The following POU2F3 variants were observed in gnomAD, a reference collection of about 807,000 sequenced individuals.
POU2F3 encodes POU domain, class 2, transcription factor 3.
Under a neutral mutation model 59.2 loss-of-function variants are expected in POU2F3, and 23 were observed. The ratio of observed to expected loss-of-function variants is 0.39; its 90% confidence interval spans 0.28 to 0.55. The LOEUF is 0.55. POU2F3 is among the 20% of genes least tolerant of loss of function. POU2F3 has a pLI of 0.66. For missense variants in POU2F3, 473 were observed against 544.5 expected, an observed-to-expected ratio of 0.87 and a Z score of 1.31; for synonymous variants, 190 against 214.6, an observed-to-expected ratio of 0.89 and a Z score of 1.00.
intron 9 of POU2F3, among the ~76,000 whole-genome samples, chr11:120,308,767 A>G (rs111349169): frequency 0.027 from 4,094 of 151,732 alleles, 182 homozygotes; most frequent in African/African-American, 0.092. Context: ...GTGAAACCCC[A>G]TCTCTACTTA....
intron 2 of POU2F3, among the ~76,000 whole-genome samples, chr11:120,250,838 G>A (rs1217876132): frequency 2.0e-5 from 3 of 152,252 alleles, no homozygotes; most frequent in East Asian, 3.9e-4. Flanking sequence ...TTAGCCGGGC[G>A]TGGTAGTGGG....
chr11:120,254,130 C>T (rs1939234211), intron 2 of POU2F3: 1 of 152,212 alleles, frequency 6.6e-6, no homozygotes, highest in South Asian at 2.1e-4. Context: ...CACCTTCCTC[C>T]CTCAGAAACG....
At chr11:120,263,504 C>T (rs577129399) in intron 2 of POU2F3, among the ~76,000 whole-genome samples, 1 of 152,384 alleles carries the variant, frequency 6.6e-6, no homozygotes, top group South Asian at 2.1e-4. Context: ...CTTCGAATCA[C>T]TTCCAGATTT....
intron 10 of POU2F3, 76 bp downstream of exon 10, chr11:120,309,662 G>A: frequency 1.3e-6 from 2 of 1,503,728 alleles, no homozygotes; most frequent in Non-Finnish European, 1.8e-6. Flanking sequence ...GGTGGCTGCA[G>A]GGAAGAGGGG....
At chr11:120,302,751 G>T in intron 6 of POU2F3, 1 of 201,272 alleles carries the variant, frequency 5.0e-6, no homozygotes, top group Non-Finnish European at 1.0e-5. Context: ...AGGGAGACTA[G>T]AATACTACAG....
intron 3 of POU2F3, among the ~76,000 whole-genome samples, chr11:120,281,503 C>T (rs746895313): frequency 2.0e-5 from 3 of 151,798 alleles, no homozygotes; most frequent in Non-Finnish European, 2.9e-5. Context: ...TCATGGCCCC[C>T]ATACCCTCCT....
chr11:120,236,954 C>A (rs548042612), upstream of POU2F3, among the ~76,000 whole-genome samples: 1 of 152,156 alleles, frequency 6.6e-6, no homozygotes, highest in Non-Finnish European at 1.5e-5. Flanking sequence ...CCTTGTGGGC[C>A]TCAGGTCCCT....
chr11:120,294,045 G>T (rs1364764224), intron 3 of POU2F3, among the ~76,000 whole-genome samples: 1 of 152,144 alleles, frequency 6.6e-6, no homozygotes, highest in Non-Finnish European at 1.5e-5. Context: ...GGCTATGAGG[G>T]TAAAGCCAAG....
chr11:120,302,460 C>T (rs929281776), intron 6 of POU2F3, 92 bp downstream of exon 6: 4 of 1,229,510 alleles, frequency 3.3e-6, no homozygotes, highest in Non-Finnish European at 4.7e-6. Flanking sequence ...TTTAACAGGG[C>T]ACTAACCCCT....
chr11:120,297,817 C>T (rs886226603), intron 3 of POU2F3, among the ~76,000 whole-genome samples: 4 of 152,072 alleles, frequency 2.6e-5, no homozygotes, highest in Non-Finnish European at 5.9e-5. Context: ...GTCACCTAGG[C>T]TGGAGTGCAG....
chr11:120,240,069 G>C (rs1938595967), upstream of POU2F3: 5 of 1,104,464 alleles, frequency 4.5e-6, no homozygotes, highest in Non-Finnish European at 5.5e-6. Flanking sequence ...ATGGGCCTGG[G>C]GCCAGGCGCG....
chr11:120,257,253 A>C (rs983044348), intron 2 of POU2F3, among the ~76,000 whole-genome samples: 1 of 152,198 alleles, frequency 6.6e-6, no homozygotes, highest in Admixed American at 6.5e-5. Flanking sequence ...CCAAGGTCAC[A>C]GCGGGAGTTC....
intron 3 of POU2F3, among the ~76,000 whole-genome samples, chr11:120,272,414 T>A (rs1940116220): frequency 6.6e-6 from 1 of 151,984 alleles, no homozygotes; most frequent in Non-Finnish European, 1.5e-5. Flanking sequence ...AGAGATTGAG[T>A]GTGACCTCAC....
At chr11:120,290,777 T>C (rs779429766) in intron 3 of POU2F3, among the ~76,000 whole-genome samples, 5 of 152,250 alleles carry the variant, frequency 3.3e-5, no homozygotes, top group African/African-American at 4.8e-5. Context: ...CTAATCTGTG[T>C]AGTGCTTCAC....
At position 120,300,340 on chromosome 11, in the gene POU2F3, A is replaced by G. The variant is rs7120064; in HGVS notation, c.361+614A>G. 6.9e-3 allele frequency among the ~76,000 whole-genome samples: 1,054 copies of G among 152,324 alleles called. 11 individuals are homozygous for G. The highest frequency in any genetic ancestry group is 0.024 in the African/African-American group (997 of 41,566). Reference sequence around the variant, plus strand: ...GACATTCCTCAAAATAACCTTGTAAAGTAGGTAGTTCTATTATGCCTCTGG... The same window carrying G: ...GACATTCCTCAAAATAACCTTGTAAGGTAGGTAGTTCTATTATGCCTCTGG... On this transcript the variant is annotated intron_variant, in intron 5 of 12. Transcript: ENST00000543440.
At chr11:120,298,607 G>T (rs1308993629) in intron 4 of POU2F3, among the ~76,000 whole-genome samples, 1 of 152,192 alleles carries the variant, frequency 6.6e-6, no homozygotes. Flanking sequence ...AGACAAAAAG[G>T]ACCCAGGCTT....
In POU2F3 at chr11:120,264,052, G is replaced by T. The variant is rs562627921; in HGVS notation, c.98-5158G>T. 1.4e-4 allele frequency among the ~76,000 whole-genome samples: 21 copies of T among 152,272 alleles called. No individual in the cohort carries two copies. The South Asian group carries it at 4.4e-3, about 32-fold the overall frequency. On this transcript the variant is annotated intron_variant, in intron 2 of 12. Transcript: ENST00000543440. The stretch of plus-strand genomic sequence containing the variant: ...GAGGGAAACAGACACATAAGCCACT[G>T]ACTCTAAAAAACATGGTATGTGCTA...
At chr11:120,295,471 G>T (rs1253691293) in intron 3 of POU2F3, among the ~76,000 whole-genome samples, 1 of 152,256 alleles carries the variant, frequency 6.6e-6, no homozygotes, top group Non-Finnish European at 1.5e-5. Flanking sequence ...ATGCCTGGGG[G>T]CAGGAGGAGG....
intron 2 of POU2F3, among the ~76,000 whole-genome samples, chr11:120,254,352 T>C (rs1288821427): frequency 6.6e-6 from 1 of 152,116 alleles, no homozygotes; most frequent in African/African-American, 2.4e-5. Flanking sequence ...GAGTTGGGGG[T>C]GCACCTAGAG....
Sources: allele counts gnomAD v4.1 joint callset (sites outside exome capture counted in the v4.1 genomes callset), GRCh38; gene constraint gnomAD v4.1.1; transcripts MANE v1.5; gene names NCBI Gene and HGNC (gene_info 2026-07-23, HGNC 2026-07-21).